The following ADAMTSL1 variants were observed in gnomAD, a reference collection of about 807,000 sequenced individuals.
The protein encoded by ADAMTSL1 is ADAMTS-like protein 1.
In ADAMTSL1, 126 loss-of-function variants were observed where a neutral mutation model predicts 201.8. The observed-to-expected ratio is 0.62, with a 90% CI of 0.54 to 0.72. The LOEUF (loss-of-function observed/expected upper bound fraction) is 0.72. ADAMTSL1 is among the 30% of genes least tolerant of loss of function. ADAMTSL1 has a pLI of 0.00. For missense variants in ADAMTSL1, 2,679 were observed against 2,277.8 expected (o/e 1.18, Z -3.59); for synonymous variants, 1,121 against 903.4 (o/e 1.24, Z -4.32).
At chr9:18,547,622 G>GTA (rs202105724) in intron 3 of ADAMTSL1, among the ~76,000 whole-genome samples, 21 of 117,330 alleles carry the variant, frequency 1.8e-4, no homozygotes, top group South Asian at 1.1e-3. Context: ...AAGAGCGGCT[G>GTA]TATATATATA....
rs546169959 is a variant in ADAMTSL1, at chr9:18,096,630, A to C, written c.88-67232A>C. On this transcript the variant is annotated intron_variant, in intron 1 of 29. Transcript: ENST00000680146. ...GCAATAGTTCCTAATGCTTTTTAAA[A>C]ATCATCTTTTTCTGAAGTATACTTT... is the stretch of plus-strand genomic sequence containing the variant. Among the ~76,000 whole-genome samples, 8 of 152,298 alleles carry C rather than the reference A, an allele frequency of 5.3e-5. No homozygotes were observed. In the South Asian group the frequency reaches 1.7e-3, roughly 32 times the overall value.
intron 2 of ADAMTSL1, among the ~76,000 whole-genome samples, chr9:18,524,706 T>A (rs1818922509): frequency 6.6e-6 from 1 of 152,162 alleles, no homozygotes; most frequent in South Asian, 2.1e-4. Flanking sequence ...AATCATGTGG[T>A]TTTTGTCTTT....
intron 13 of ADAMTSL1, among the ~76,000 whole-genome samples, chr9:18,686,490 G>A (rs528536989): frequency 1.4e-3 from 217 of 152,228 alleles, no homozygotes; most frequent in African/African-American, 4.9e-3. Flanking sequence ...CTTTTTAGGG[G>A]GGCATTAATA....
At chr9:18,567,680 G>T (rs1248199660) in intron 3 of ADAMTSL1, among the ~76,000 whole-genome samples, 1 of 152,020 alleles carries the variant, frequency 6.6e-6, no homozygotes, top group Non-Finnish European at 1.5e-5. Flanking sequence ...ACCCACAGTG[G>T]ATGTCTAAAA....
intron 2 of ADAMTSL1, among the ~76,000 whole-genome samples, chr9:18,260,518 G>T (rs941165646): frequency 6.6e-6 from 1 of 152,166 alleles, no homozygotes; most frequent in Non-Finnish European, 1.5e-5. Flanking sequence ...GATCCTCCAC[G>T]GTGCCTGCCC....
At chr9:18,218,237 T>C (rs983394622) in intron 2 of ADAMTSL1, among the ~76,000 whole-genome samples, 4 of 152,182 alleles carry the variant, frequency 2.6e-5, no homozygotes, top group African/African-American at 7.2e-5. Context: ...TCCAACTGTA[T>C]AGAAAATGCA....
intron 1 of ADAMTSL1, among the ~76,000 whole-genome samples, chr9:17,927,756 T>C (rs191128894): frequency 6.6e-6 from 1 of 152,228 alleles, no homozygotes; most frequent in Non-Finnish European, 1.5e-5. Context: ...ATTATGCCAA[T>C]ATTACACAAT....
chr9:18,043,268 A>G (rs1001619913), intron 1 of ADAMTSL1, among the ~76,000 whole-genome samples: 2 of 152,128 alleles, frequency 1.3e-5, no homozygotes, highest in Non-Finnish European at 2.9e-5. Context: ...ATTAGGAACT[A>G]CTAGGCCAGA....
At chr9:18,832,924 G>A (rs144488824) in intron 23 of ADAMTSL1, among the ~76,000 whole-genome samples, 1 of 152,182 alleles carries the variant, frequency 6.6e-6, no homozygotes, top group Non-Finnish European at 1.5e-5. Context: ...GCAGTAAGGG[G>A]GGAAAGGAGA....
intron 15 of ADAMTSL1, among the ~76,000 whole-genome samples, chr9:18,750,766 G>A (rs971363293): frequency 6.6e-6 from 1 of 152,182 alleles, no homozygotes; most frequent in East Asian, 1.9e-4. Context: ...GGCAGTTCTG[G>A]CTTGAGGTCT....
intron 3 of ADAMTSL1, among the ~76,000 whole-genome samples, chr9:18,571,441 A>G (rs1019587643): frequency 3.9e-5 from 6 of 152,196 alleles, no homozygotes; most frequent in African/African-American, 1.2e-4. Context: ...CTGTACCCCC[A>G]GTACAATGTA....
At chr9:18,568,190 G>A (rs1822061003) in intron 3 of ADAMTSL1, among the ~76,000 whole-genome samples, 1 of 152,078 alleles carries the variant, frequency 6.6e-6, no homozygotes, top group Non-Finnish European at 1.5e-5. Context: ...AATAGAAATT[G>A]AAACACTGAT....
chr9:18,269,709 T>G (rs1271248825), intron 2 of ADAMTSL1, among the ~76,000 whole-genome samples: 1 of 152,162 alleles, frequency 6.6e-6, no homozygotes, highest in Non-Finnish European at 1.5e-5. Context: ...GAAAAGAGTA[T>G]GGACAAACCT....
At chr9:18,320,844 C>T (rs957946404) in intron 2 of ADAMTSL1, among the ~76,000 whole-genome samples, 3 of 151,860 alleles carry the variant, frequency 2.0e-5, no homozygotes, top group African/African-American at 4.8e-5. Flanking sequence ...CAAAAAGATA[C>T]AGTTAAGCCG....
intron 2 of ADAMTSL1, among the ~76,000 whole-genome samples, chr9:18,337,118 A>T (rs944178227): frequency 2.6e-5 from 4 of 152,084 alleles, no homozygotes; most frequent in African/African-American, 9.7e-5. Flanking sequence ...ACACAGACCC[A>T]CCCTCAATCT....
chr9:18,560,255 T>G (rs748881843), intron 3 of ADAMTSL1, among the ~76,000 whole-genome samples: 1 of 152,220 alleles, frequency 6.6e-6, no homozygotes, highest in Non-Finnish European at 1.5e-5. Flanking sequence ...TTTCTGCATC[T>G]ATTGAGACAA....
At chr9:18,767,229 C>A (rs1389023033) in intron 16 of ADAMTSL1, among the ~76,000 whole-genome samples, 1 of 152,130 alleles carries the variant, frequency 6.6e-6, no homozygotes, top group Non-Finnish European at 1.5e-5. Context: ...GAGGTCAGAG[C>A]TTAAAATTAA....
chr9:18,100,149 T>G (rs558714134), intron 1 of ADAMTSL1, among the ~76,000 whole-genome samples: 1 of 152,332 alleles, frequency 6.6e-6, no homozygotes, highest in South Asian at 2.1e-4. Flanking sequence ...CAAACTGTTC[T>G]GTGGACATGT....
chr9:18,433,487 A>G (rs747578720), intron 2 of ADAMTSL1, among the ~76,000 whole-genome samples: 37 of 152,116 alleles, frequency 2.4e-4, no homozygotes, highest in Non-Finnish European at 4.4e-4. Flanking sequence ...AGAAAAAACA[A>G]TTTTGAACTT....
Sources: allele counts gnomAD v4.1 joint callset (sites outside exome capture counted in the v4.1 genomes callset), GRCh38; gene constraint gnomAD v4.1.1; transcripts MANE v1.5; gene names NCBI Gene and HGNC (gene_info 2026-07-23, HGNC 2026-07-21).